RNF150: variants seen among roughly 807,000 people sequenced by gnomAD.
RNF150 encodes ring finger protein 150.
A neutral mutation model predicts 39.3 loss-of-function variants in RNF150; 24 were observed. The ratio of observed to expected loss-of-function variants is 0.61; its 90% CI spans 0.44 to 0.86. RNF150 has a LOEUF of 0.86. Among genes scored for constraint, RNF150 ranks in the 40% least tolerant of loss-of-function variants. RNF150 has a pLI of 0.00. For synonymous variants in RNF150, 255 were observed against 227.3 expected, an observed-to-expected ratio of 1.12 and a Z score of -1.10; for missense variants, 502 against 587.8, an observed-to-expected ratio of 0.85 and a Z score of 1.51.
At chr4:140,892,190 T>TG (rs1337171075) in intron 6 of RNF150, among the ~76,000 whole-genome samples, 1 of 152,218 alleles carries the variant, frequency 6.6e-6, no homozygotes, top group African/African-American at 2.4e-5. Context: ...GATATGCAGT[T>TG]GGATGGAGGG....
intron 2 of RNF150, among the ~76,000 whole-genome samples, chr4:140,950,189 A>G (rs1732491215): frequency 1.3e-5 from 2 of 152,228 alleles, no homozygotes; most frequent in African/African-American, 2.4e-5. Context: ...CTTCTTAGGT[A>G]TATCTATTTC....
intron 4 of RNF150, among the ~76,000 whole-genome samples, chr4:140,929,488 T>A (rs554628532): frequency 6.2e-5 from 9 of 145,266 alleles, no homozygotes; most frequent in Admixed American, 1.4e-4. Context: ...TGCCTCAGCC[T>A]CCGGAGTAGC....
chr4:141,129,905 A>G (rs949250006), intron 1 of RNF150, among the ~76,000 whole-genome samples: 3 of 152,246 alleles, frequency 2.0e-5, no homozygotes, highest in African/African-American at 7.2e-5. Context: ...ATCAGTTCCA[A>G]AAATAAAGCA....
intron 1 of RNF150, among the ~76,000 whole-genome samples, chr4:141,097,856 G>A (rs747262709): frequency 1.3e-5 from 2 of 151,718 alleles, no homozygotes; most frequent in African/African-American, 2.4e-5. Context: ...TATATGGCAC[G>A]CAAACATTTT....
chr4:140,921,309 A>G lies in RNF150; in HGVS notation c.987+4668T>C, dbSNP rs185078870. 2.9e-3 allele frequency among the ~76,000 whole-genome samples: 446 copies of G among 151,964 alleles called. 4 individuals carry two copies. The highest frequency in any genetic ancestry group is 0.01 in the African/African-American group (422 of 41,472). Reference sequence around the variant, plus strand: ...ATATCACCACCGATCCCACAGAAATACAAACTACCATCAGAGAATACTATA... The same window carrying G: ...ATATCACCACCGATCCCACAGAAATGCAAACTACCATCAGAGAATACTATA... On this transcript the variant is annotated intron_variant, in intron 5 of 6. Coordinates refer to ENST00000515673, the MANE Select transcript of RNF150 (RefSeq NM_020724.2).
chr4:140,878,243 CT>C (rs1729243163), intron 6 of RNF150, among the ~76,000 whole-genome samples: 4 of 220 alleles, frequency 0.018, no homozygotes, highest in Admixed American at 0.1. Flanking sequence ...CTTGGCTTAC[CT>C]CACTCAACCT....
In RNF150 at chr4:140,952,011, AT is replaced by A. The variant is rs1003718628; in HGVS notation, c.736-2640del. Among the ~76,000 whole-genome samples the A allele has an allele frequency of 1.8e-3, 269 of 150,418 alleles. 1 individual carries two copies. Among genetic ancestry groups the A allele is most frequent in the East Asian group, 7.8e-4 (4 of 5,140 alleles). On this transcript the variant is annotated intron_variant, in intron 2 of 6. Transcript: ENST00000515673. Reference sequence around the variant, plus strand: ...CATAGATTATACTCAAAGGGAAATAATTTTTTTTTTCTTTTGAGATGGAGTC... The same window carrying A: ...CATAGATTATACTCAAAGGGAAATAATTTTTTTTTCTTTTGAGATGGAGTC...
intron 1 of RNF150, among the ~76,000 whole-genome samples, chr4:141,012,043 A>G (rs1735093550): frequency 6.6e-6 from 1 of 152,244 alleles, no homozygotes; most frequent in Non-Finnish European, 1.5e-5. Flanking sequence ...TTTTTTGAGT[A>G]CAGCTACTCT....
At chr4:141,078,832 T>TACACAC (rs1553944695) in intron 1 of RNF150, among the ~76,000 whole-genome samples, 6 of 102,852 alleles carry the variant, frequency 5.8e-5, no homozygotes, top group African/African-American at 2.4e-4. Flanking sequence ...TATATATATA[T>TACACAC]ACACACACAC....
At chr4:141,170,211 T>C (rs767246923) in intron 1 of RNF150, among the ~76,000 whole-genome samples, 16 of 152,202 alleles carry the variant, frequency 1.1e-4, no homozygotes, top group Non-Finnish European at 1.8e-4. Context: ...ATTATAAATA[T>C]TTGTAATGGT....
intron 1 of RNF150, among the ~76,000 whole-genome samples, chr4:140,973,013 T>C (rs1733523163): frequency 6.6e-6 from 1 of 152,116 alleles, no homozygotes; most frequent in South Asian, 2.1e-4. Context: ...CTATCATTAT[T>C]TGGGGTATCA....
intron 1 of RNF150, among the ~76,000 whole-genome samples, chr4:141,037,156 TTC>T (rs1247893611): frequency 6.6e-6 from 1 of 152,190 alleles, no homozygotes; most frequent in Non-Finnish European, 1.5e-5. Context: ...GGACACAGTA[TTC>T]TGTTTCTTTT....
In RNF150 at chr4:141,077,992, G is replaced by A. The variant is rs1483984618; in HGVS notation, c.484+54333C>T. Among the ~76,000 whole-genome samples, 11 of 152,234 alleles carry A rather than the reference G, an allele frequency of 7.2e-5. No homozygotes were observed. The South Asian group carries it at 1.9e-3, about 26-fold the overall frequency. On this transcript the variant is annotated intron_variant, in intron 1 of 6. Transcript: ENST00000515673. ...AGCAAAAATGCAGCAGCTGTTGCCT[G>A]TATTAATCTCTGAGATTTTGACCTG...
At chr4:141,159,647 A>T (rs1490152940) in intron 1 of RNF150, among the ~76,000 whole-genome samples, 4 of 152,054 alleles carry the variant, frequency 2.6e-5, no homozygotes, top group Non-Finnish European at 4.4e-5. Context: ...GGCCCAAGTG[A>T]TCCTCCCACC....
intron 1 of RNF150, among the ~76,000 whole-genome samples, chr4:141,065,795 C>T (rs1737432691): frequency 6.6e-6 from 1 of 151,776 alleles, no homozygotes; most frequent in Non-Finnish European, 1.5e-5. Flanking sequence ...TACTAAATGC[C>T]GACTCCCTCC....
In RNF150 at chr4:141,065,346, C is replaced by T. The variant is rs1207998838; in HGVS notation, c.484+66979G>A. The stretch of plus-strand genomic sequence containing the variant: ...AAGAAAAGTGACAGAGAGAAATGTA[C>T]AATATGAAGGAATTTTCTGAGATTA... On this transcript the variant is annotated intron_variant, in intron 1 of 6. Coordinates refer to ENST00000515673, the MANE Select transcript of RNF150 (RefSeq NM_020724.2). Among the ~76,000 whole-genome samples, 3 of 151,986 alleles carry T rather than the reference C, an allele frequency of 2.0e-5. No homozygotes were observed. In the East Asian group the frequency reaches 5.8e-4, roughly 29 times the overall value.
chr4:141,121,821 A>G (rs1726614024), intron 1 of RNF150, among the ~76,000 whole-genome samples: 1 of 152,160 alleles, frequency 6.6e-6, no homozygotes, highest in African/African-American at 2.4e-5. Flanking sequence ...GAAAAACATC[A>G]TTTCCTTAAA....
intron 1 of RNF150, among the ~76,000 whole-genome samples, chr4:141,168,190 A>G (rs969799832): frequency 6.6e-6 from 1 of 152,236 alleles, no homozygotes; most frequent in African/African-American, 2.4e-5. Context: ...AAGCATATGA[A>G]AAAAAGCTCA....
At chr4:141,185,738 A>G (rs1379173626) in intron 1 of RNF150, among the ~76,000 whole-genome samples, 1 of 152,218 alleles carries the variant, frequency 6.6e-6, no homozygotes, top group Non-Finnish European at 1.5e-5. Context: ...GTTTAGCATG[A>G]AGGGGTGTTG....
Sources: allele counts gnomAD v4.1 joint callset (sites outside exome capture counted in the v4.1 genomes callset), GRCh38; gene constraint gnomAD v4.1.1; transcripts MANE v1.5; gene names NCBI Gene and HGNC (gene_info 2026-07-23, HGNC 2026-07-21).